Variants in FNDC3B observed in about 807,000 individuals in gnomAD.
The protein encoded by FNDC3B is fibronectin type III domain containing 3B, also known as fibronectin type III domain-containing protein 3B.
A neutral mutation model predicts 151.5 loss-of-function variants in FNDC3B; 12 were observed. The observed-to-expected ratio is 0.08, with a 90% CI of 0.05 to 0.13. The LOEUF is 0.13. FNDC3B is among the 10% of genes least tolerant of loss of function. The pLI is 1.00. For synonymous variants in FNDC3B, 528 were observed against 549.0 expected (o/e 0.96, Z 0.54); for missense variants, 1,214 against 1,505.3 (o/e 0.81, Z 3.20).
intron 3 of FNDC3B, among the ~76,000 whole-genome samples, chr3:172,208,671 C>A (rs573231782): frequency 6.6e-6 from 1 of 151,944 alleles, no homozygotes; most frequent in Non-Finnish European, 1.5e-5. Context: ...CTCTGGCCGG[C>A]GGCGCCTCTG....
chr3:172,208,876 C>T (rs1466915612), intron 3 of FNDC3B, among the ~76,000 whole-genome samples: 3 of 152,150 alleles, frequency 2.0e-5, no homozygotes, highest in Non-Finnish European at 2.9e-5. Flanking sequence ...TGGGCAGCTC[C>T]ATGCACCAGC....
chr3:172,195,790 G>A (rs1724791857), intron 3 of FNDC3B, among the ~76,000 whole-genome samples: 1 of 152,190 alleles, frequency 6.6e-6, no homozygotes, highest in Admixed American at 6.5e-5. Flanking sequence ...GCACAGTTAA[G>A]AACCCAGGCT....
At chr3:172,348,598 C>T (rs928721450) in intron 21 of FNDC3B, among the ~76,000 whole-genome samples, 5 of 152,140 alleles carry the variant, frequency 3.3e-5, no homozygotes, top group Admixed American at 2.0e-4. Context: ...GAGCTTCACT[C>T]CATTATGGTT....
At chr3:172,174,532 C>G (rs999024463) in intron 3 of FNDC3B, among the ~76,000 whole-genome samples, 2 of 152,180 alleles carry the variant, frequency 1.3e-5, no homozygotes, top group Admixed American at 6.5e-5. Flanking sequence ...TTGTTAATTG[C>G]AACAGCTGGT....
Position 172,352,230 on chromosome 3 carries a change from A to G in FNDC3B, c.2515-573A>G, listed in dbSNP as rs1157224674. 6.6e-6 allele frequency among the ~76,000 whole-genome samples: 1 copy of G among 152,218 alleles called. No homozygotes were observed. Among genetic ancestry groups the G allele is most frequent in the Non-Finnish European group, 1.5e-5 (1 of 68,044 alleles). On this transcript the variant is annotated intron_variant, in intron 21 of 25. Coordinates refer to ENST00000415807, the MANE Select transcript of FNDC3B (RefSeq NM_022763.4). This position sits in a 1 kb window ranked among gnomAD's most constrained non-coding sequence, Gnocchi z 4.2. ...TGAATAAGCATTTGAAAGACCTGGG[A>G]GTGATCAAGGTGTCAGCTGTTTCTC...
Position 172,197,037 on chromosome 3 carries a change from C to T in FNDC3B, c.188-29834C>T, listed in dbSNP as rs573765521. 2.6e-5 allele frequency among the ~76,000 whole-genome samples: 4 copies of T among 151,848 alleles called. No individual in the cohort carries two copies. In the South Asian group the frequency reaches 8.3e-4, roughly 32 times the overall value. ...CTTTACTAAAAATACAAAAATTAGC[C>T]AGGTGTGGTGGCATGTGCCTGTGGT... On this transcript the variant is annotated intron_variant, in intron 3 of 25. Transcript: ENST00000415807.
chr3:172,286,516 C>T (rs1035463986), intron 7 of FNDC3B, among the ~76,000 whole-genome samples: 6 of 152,182 alleles, frequency 3.9e-5, no homozygotes, highest in African/African-American at 1.4e-4. Context: ...TTGATTCAGC[C>T]TTTCATCTGA....
chr3:172,120,647 A>G (rs1720495205), intron 2 of FNDC3B, among the ~76,000 whole-genome samples: 1 of 152,098 alleles, frequency 6.6e-6, no homozygotes. Context: ...ACCAATATTA[A>G]AAATGGGAAG....
intron 4 of FNDC3B, among the ~76,000 whole-genome samples, chr3:172,236,517 T>G (rs1229514617): frequency 6.6e-6 from 1 of 152,230 alleles, no homozygotes; most frequent in Non-Finnish European, 1.5e-5. Context: ...TGTTGTCACT[T>G]CGATTCTTAT....
rs753911114 is a variant in FNDC3B at position 172,368,888 on chromosome 3, A to G, written c.3008+6043A>G. On this transcript the variant is annotated intron_variant, in intron 23 of 25. Coordinates refer to ENST00000415807, the MANE Select transcript of FNDC3B (RefSeq NM_022763.4). ...TAGCCTGGCATGGTGGCAGATGCCT[A>G]TAGTCCCAGCTACTCAGGAGCCTGA... is the stretch of plus-strand genomic sequence containing the variant. 1.1e-4 allele frequency among the ~76,000 whole-genome samples: 16 copies of G among 152,118 alleles called. 1 individual carries two copies. The South Asian group carries it at 1.7e-3, about 16-fold the overall frequency.
intron 2 of FNDC3B, among the ~76,000 whole-genome samples, chr3:172,115,764 C>G (rs891668323): frequency 6.6e-6 from 1 of 152,316 alleles, no homozygotes; most frequent in East Asian, 1.9e-4. Flanking sequence ...GAGCCATCCC[C>G]TGGCCATAGG....
intron 4 of FNDC3B, among the ~76,000 whole-genome samples, chr3:172,234,030 T>A (rs1303038731): frequency 6.6e-6 from 1 of 152,244 alleles, no homozygotes; most frequent in African/African-American, 2.4e-5. Flanking sequence ...TAAAGAAATG[T>A]ACCAAGGACA....
At chr3:172,111,141 A>G (rs1372973680) in intron 1 of FNDC3B, among the ~76,000 whole-genome samples, 5 of 151,686 alleles carry the variant, frequency 3.3e-5, no homozygotes, top group East Asian at 3.9e-4. Flanking sequence ...AATGTCATCA[A>G]TTTGAGAAAA....
chr3:172,335,426 GTTCATTC>G (rs1285859975), intron 15 of FNDC3B: 2 of 163,882 alleles, frequency 1.2e-5, no homozygotes, highest in Non-Finnish European at 2.6e-5. Flanking sequence ...TGCATGCATC[GTTCATTC>G]TTCAATAGTT....
At chr3:172,191,261 C>T (rs2108672155) in intron 3 of FNDC3B, among the ~76,000 whole-genome samples, 1 of 152,252 alleles carries the variant, frequency 6.6e-6, no homozygotes, top group East Asian at 1.9e-4. Flanking sequence ...TTGATGTTAA[C>T]ATGTTGGCAT....
chr3:172,152,984 C>T (rs1438777580), intron 3 of FNDC3B, among the ~76,000 whole-genome samples: 4 of 152,000 alleles, frequency 2.6e-5, no homozygotes, highest in South Asian at 2.1e-4. Context: ...CTGTGTTTAC[C>T]GTATGTGTTT....
intron 3 of FNDC3B, chr3:172,186,653 A>T: frequency 1.5e-6 from 1 of 674,110 alleles, no homozygotes; most frequent in Non-Finnish European, 2.7e-6. Context: ...CAAGAAAATC[A>T]TGGAAAATTT....
chr3:172,320,996 A>G (rs1216888272), intron 11 of FNDC3B, among the ~76,000 whole-genome samples: 1 of 152,250 alleles, frequency 6.6e-6, no homozygotes, highest in African/African-American at 2.4e-5. Flanking sequence ...TCTAAATATT[A>G]GTTGCATTTT....
intron 1 of FNDC3B, among the ~76,000 whole-genome samples, chr3:172,053,748 G>A (rs1389290273): frequency 7.0e-6 from 1 of 142,698 alleles, no homozygotes; most frequent in East Asian, 2.0e-4. Context: ...CTGCACTCCA[G>A]CCTAGGTGAC....
Sources: allele counts gnomAD v4.1 joint callset (sites outside exome capture counted in the v4.1 genomes callset), GRCh38; gene constraint gnomAD v4.1.1; non-coding constraint Gnocchi (gnomAD v3.1); transcripts MANE v1.5; gene names NCBI Gene and HGNC (gene_info 2026-07-23, HGNC 2026-07-21).